Variants in L3MBTL1 observed in about 807,000 individuals in gnomAD.
The protein encoded by L3MBTL1 is lethal(3)malignant brain tumor-like protein 1.
L3MBTL1 carries 75 observed loss-of-function variants against 105.3 expected under a neutral mutation model. The ratio of observed to expected loss-of-function variants is 0.71; its 90% confidence interval spans 0.59 to 0.86. The LOEUF (loss-of-function observed/expected upper bound fraction) is 0.86, where lower values mean the gene tolerates loss of function less well. Among genes scored for constraint, L3MBTL1 ranks in the 40% least tolerant of loss-of-function variants. The pLI is 0.00. For missense variants in L3MBTL1, 1,069 were observed against 1,126.4 expected (o/e 0.95, Z 0.73); for synonymous variants, 452 against 436.2 (o/e 1.04, Z -0.45).
Position 43,510,276 on chromosome 20 carries a change from A to G in L3MBTL1, c.-29+2532A>G, listed in dbSNP as rs376861501. 3.3e-5 allele frequency among the ~76,000 whole-genome samples: 5 copies of G among 152,336 alleles called. 1 individual carries two copies. Among genetic ancestry groups the G allele is most frequent in the Admixed American group, 1.3e-4 (2 of 15,296 alleles). ...TGGCCTCCCAAAGTGCTGGGATTATAGGCGTGAGCCACCACGTCCAGCCTA... is the reference window on the plus strand; with the variant it reads ...TGGCCTCCCAAAGTGCTGGGATTATGGGCGTGAGCCACCACGTCCAGCCTA... On this transcript the variant is annotated intron_variant, in intron 1 of 21. Coordinates refer to ENST00000418998, the MANE Select transcript of L3MBTL1 (RefSeq NM_001377303.1).
chr20:43,516,200 A>G (rs1334357795), intron 7 of L3MBTL1, 23 bp downstream of exon 7: 3 of 1,585,126 alleles, frequency 1.9e-6, no homozygotes, highest in African/African-American at 1.3e-5. Flanking sequence ...GTGTGTATAT[A>G]TATTCGTGTG....
intron 12 of L3MBTL1, 72 bp downstream of exon 12, chr20:43,532,996 GT>G: frequency 1.3e-6 from 2 of 1,493,198 alleles, no homozygotes; most frequent in South Asian, 2.3e-5. Flanking sequence ...CATATCTCAG[GT>G]ACCATGTGGC....
intron 7 of L3MBTL1, among the ~76,000 whole-genome samples, chr20:43,524,053 C>G: frequency 6.6e-6 from 1 of 151,774 alleles, no homozygotes. Flanking sequence ...TCTGGAACTC[C>G]TGGCCTTAAG....
At chr20:43,522,633 T>C (rs2018790936) in intron 7 of L3MBTL1, among the ~76,000 whole-genome samples, 1 of 151,134 alleles carries the variant, frequency 6.6e-6, no homozygotes, top group Non-Finnish European at 1.5e-5. Context: ...CCACCGTGCC[T>C]GGCTAATTTT....
intron 7 of L3MBTL1, among the ~76,000 whole-genome samples, chr20:43,524,208 A>T (rs1395185051): frequency 1.3e-5 from 2 of 152,068 alleles, no homozygotes; most frequent in Non-Finnish European, 2.9e-5. Flanking sequence ...CATGAGACAG[A>T]TTTATTTTGA....
intron 7 of L3MBTL1, among the ~76,000 whole-genome samples, chr20:43,525,607 CTCAGCCCATTGT>C (rs1251306848): frequency 5.9e-5 from 9 of 152,142 alleles, no homozygotes; most frequent in Non-Finnish European, 1.5e-5. Flanking sequence ...TGCCTAAGAG[CTCAGCCCATTGT>C]TCAACAATAG....
exon 19 of L3MBTL1, chr20:43,548,330 C>A (rs765056016): frequency 2.2e-5 from 25 of 1,118,316 alleles, no homozygotes; most frequent in Non-Finnish European, 2.8e-5. Context: ...ATTCCTCATA[C>A]CCCACACGTC....
At chr20:43,534,480 G>A (rs2019504519) in intron 15 of L3MBTL1, 86 bp downstream of exon 15, 3 of 1,039,362 alleles carry the variant, frequency 2.9e-6, no homozygotes, top group Non-Finnish European at 4.4e-6. Flanking sequence ...GGGCATCATG[G>A]CATGAGAGAG....
intron 7 of L3MBTL1, among the ~76,000 whole-genome samples, chr20:43,516,660 C>G (rs1344677454): frequency 6.6e-6 from 1 of 152,200 alleles, no homozygotes; most frequent in Non-Finnish European, 1.5e-5. Context: ...TGACAACTGT[C>G]AACTGTAGCT....
exon 19 of L3MBTL1, chr20:43,548,274 C>G: frequency 7.7e-7 from 1 of 1,298,938 alleles, no homozygotes; most frequent in Non-Finnish European, 1.0e-6. Flanking sequence ...CTCCTGCAGC[C>G]CCTGCTTGGC....
intron 16 of L3MBTL1, among the ~76,000 whole-genome samples, chr20:43,535,361 AC>A (rs1391025380): frequency 1.3e-5 from 2 of 151,650 alleles, no homozygotes; most frequent in East Asian, 3.9e-4. Context: ...CCCCATTTTC[AC>A]CCTTAGGATT....
At chr20:43,529,049 T>TC (rs1403157397) in intron 8 of L3MBTL1, among the ~76,000 whole-genome samples, 2 of 152,180 alleles carry the variant, frequency 1.3e-5, no homozygotes, top group African/African-American at 4.8e-5. Context: ...GAGGGAGCCC[T>TC]TGAGTCCAGC....
chr20:43,536,791 C>T (rs79630234), intron 19 of L3MBTL1, among the ~76,000 whole-genome samples: 4,569 of 152,292 alleles, frequency 0.03, 237 homozygotes, highest in African/African-American at 0.1. Context: ...AGGCCATGGC[C>T]ATCACTTTCT....
chr20:43,548,123 G>A (rs1226310650), exon 19 of L3MBTL1: 4 of 1,303,428 alleles, frequency 3.1e-6, no homozygotes, highest in South Asian at 1.2e-5. Context: ...GATTGACGGC[G>A]AGGCCTTCCT....
chr20:43,547,873 T>C (rs908888034), intron 18 of L3MBTL1, among the ~76,000 whole-genome samples: 10 of 152,160 alleles, frequency 6.6e-5, no homozygotes, highest in African/African-American at 2.4e-4. Flanking sequence ...GGGAAACCAG[T>C]GGCTGTCTTT....
intron 7 of L3MBTL1, among the ~76,000 whole-genome samples, chr20:43,516,733 C>T (rs573916037): frequency 5.3e-5 from 8 of 151,982 alleles, no homozygotes; most frequent in Non-Finnish European, 7.4e-5. Flanking sequence ...TCTCTTCTGC[C>T]CTCAAAACCA....
rs2019923848 is a variant in L3MBTL1 at position 43,541,737 on chromosome 20, T to C, written c.*609T>C. On this transcript the variant is annotated 3_prime_UTR_variant, in exon 22 of 22. Coordinates refer to ENST00000418998, the MANE Select transcript of L3MBTL1 (RefSeq NM_001377303.1). ...AATCTTATGGGACCATGGTTTTAAA[T>C]GTGGAATCATTGACAGAAATGTCTT... is the stretch of plus-strand genomic sequence containing the variant. 1 of 831,790 alleles carries C rather than the reference T, an allele frequency of 1.2e-6. No homozygotes were observed. The highest frequency in any genetic ancestry group is 6.0e-5 in the Admixed American group (1 of 16,806). The allele number at this position is 831,790 out of a possible 1,614,324, so 51.5% of individuals were successfully genotyped here. A position where few individuals can be genotyped will look rare whatever the true frequency, so the allele number is the denominator to read the frequency against.
At chr20:43,511,688 G>T (rs2018139660) in intron 1 of L3MBTL1, among the ~76,000 whole-genome samples, 1 of 151,554 alleles carries the variant, frequency 6.6e-6, no homozygotes, top group Non-Finnish European at 1.5e-5. Flanking sequence ...GGCTGAGGTA[G>T]GAGAATTGCT....
chr20:43,547,468 G>A (rs1284158005), intron 18 of L3MBTL1, among the ~76,000 whole-genome samples: 1 of 152,088 alleles, frequency 6.6e-6, no homozygotes, highest in African/African-American at 2.4e-5. Flanking sequence ...CTTTCTAGTG[G>A]TGTCACTTAA....
Sources: gnomAD v4.1 joint callset for allele counts (sites outside exome capture counted in the v4.1 genomes callset) on GRCh38, gnomAD v4.1.1 for gene constraint, MANE v1.5 for transcripts, NCBI Gene and HGNC (gene_info 2026-07-23, HGNC 2026-07-21) for gene names.